Variants in ADGRA3 observed in about 807,000 individuals in gnomAD.
The protein encoded by ADGRA3 is G-protein coupled receptor 125.
ADGRA3 carries 56 observed loss-of-function variants against 119.8 expected under a neutral mutation model. The observed-to-expected ratio is 0.47, with a 90% CI of 0.38 to 0.58. ADGRA3 has a LOEUF of 0.58. Among genes scored for constraint, ADGRA3 ranks in the 20% least tolerant of loss-of-function variants. The pLI is 0.00. For synonymous variants in ADGRA3, 607 were observed against 623.8 expected, an observed-to-expected ratio of 0.97 and a Z score of 0.40; for missense variants, 1,516 against 1,649.0, an observed-to-expected ratio of 0.92 and a Z score of 1.40.
At chr4:22,449,666 T>C (rs1042385481) in intron 4 of ADGRA3, among the ~76,000 whole-genome samples, 1 of 151,958 alleles carries the variant, frequency 6.6e-6, no homozygotes, top group African/African-American at 2.4e-5. Flanking sequence ...GGCCAACAGG[T>C]GAAACCCCGT....
chr4:22,476,645 A>C (rs1013312093), intron 1 of ADGRA3, among the ~76,000 whole-genome samples: 1 of 151,222 alleles, frequency 6.6e-6, no homozygotes, highest in African/African-American at 2.4e-5. Flanking sequence ...CTATTAATTT[A>C]TTCTTTTTGG....
chr4:22,464,838 G>A (rs1456304013), intron 2 of ADGRA3, among the ~76,000 whole-genome samples: 6 of 152,244 alleles, frequency 3.9e-5, no homozygotes, highest in Non-Finnish European at 7.3e-5. Context: ...CGCAGGAGCT[G>A]CCTGGGAAGA....
chr4:22,460,838 C>T (rs1043646990), intron 3 of ADGRA3, among the ~76,000 whole-genome samples: 3 of 152,124 alleles, frequency 2.0e-5, no homozygotes, highest in Admixed American at 6.5e-5. Context: ...CAAGATCTTC[C>T]GAAGAAGTCA....
intron 8 of ADGRA3, among the ~76,000 whole-genome samples, chr4:22,437,097 C>T (rs914151852): frequency 6.6e-6 from 1 of 151,918 alleles, no homozygotes; most frequent in Admixed American, 6.6e-5. Context: ...AGAAAATCTA[C>T]CATAAATAGT....
At chr4:22,492,008 G>C (rs1718639314) in intron 1 of ADGRA3, among the ~76,000 whole-genome samples, 1 of 152,166 alleles carries the variant, frequency 6.6e-6, no homozygotes, top group African/African-American at 2.4e-5. Flanking sequence ...AGGCACGGTT[G>C]GGATTTTTGG....
In ADGRA3 at chr4:22,515,950, G is replaced by T; in HGVS notation, c.-166C>A. On this transcript the variant is annotated 5_prime_UTR_variant, in exon 1 of 19. Transcript: ENST00000334304. Reference sequence around the variant, plus strand: ...CGGACATGCTCCTTTGTCCGCTGCGGCTGCGCTGGGCCTCTAGGGAGCCGG... The same window carrying T: ...CGGACATGCTCCTTTGTCCGCTGCGTCTGCGCTGGGCCTCTAGGGAGCCGG... 3.8e-6 allele frequency: 1 copy of T among 261,860 alleles called. No homozygotes were observed. The highest frequency in any genetic ancestry group is 5.9e-6 in the Non-Finnish European group (1 of 168,570). 16.2% of individuals were successfully genotyped at this position (261,860 alleles called of 1,614,324 possible). A position where few individuals can be genotyped will look rare whatever the true frequency, so the allele number is the denominator to read the frequency against.
Position 22,388,934 on chromosome 4 carries a change from A to AT in ADGRA3, c.2736dup (p.Trp913MetfsTer35). 6.2e-7 allele frequency: 1 copy of AT among 1,612,886 alleles called. No individual in the cohort carries two copies. Among genetic ancestry groups the AT allele is most frequent in the Non-Finnish European group, 8.5e-7 (1 of 1,179,296 alleles). On this transcript the variant is annotated frameshift_variant, in exon 19 of 19. Coordinates refer to ENST00000334304, the MANE Select transcript of ADGRA3 (RefSeq NM_145290.4). LOFTEE classifies it high-confidence loss of function. ...TAGAAGGCTCCCAAGGAGGGTTCCC[A>AT]TGCCATCCAGCAACTGGAAAAGAAA...
At chr4:22,398,127 T>A in intron 16 of ADGRA3, 8 of 985,212 alleles carry the variant, frequency 8.1e-6, no homozygotes, top group Non-Finnish European at 9.6e-6. Context: ...TTTACAGATG[T>A]GTAGTAACAG....
At chr4:22,435,526 T>G in intron 9 of ADGRA3, 60 bp from the exon 10 acceptor site, 1 of 1,390,430 alleles carries the variant, frequency 7.2e-7, no homozygotes, top group Non-Finnish European at 9.8e-7. Context: ...ATCAACACAA[T>G]CCTGACATTT....
rs962619574 is a variant in ADGRA3, at chr4:22,414,112, T to C, written c.1810-298A>G. On this transcript the variant is annotated intron_variant, in intron 12 of 18. Transcript: ENST00000334304. The stretch of plus-strand genomic sequence containing the variant: ...CCATGATATTATATGTTGAAGTAGA[T>C]AGCATTAAACAGATCAAGGATCTCA... 16 of 272,070 alleles carry C rather than the reference T, an allele frequency of 5.9e-5. No individual in the cohort carries two copies. The Admixed American group carries it at 7.4e-4, about 13-fold the overall frequency. The allele number at this position is 272,070 out of a possible 1,614,324, so 16.9% of individuals were successfully genotyped here. A position where few individuals can be genotyped will look rare whatever the true frequency, so the allele number is the denominator to read the frequency against.
chr4:22,400,159 A>T (rs910969878), intron 16 of ADGRA3, among the ~76,000 whole-genome samples: 3 of 152,144 alleles, frequency 2.0e-5, no homozygotes, highest in Non-Finnish European at 4.4e-5. Context: ...CAACAACTCG[A>T]TTATCATTCC....
chr4:22,394,257 C>G (rs1212073574), intron 16 of ADGRA3: 2 of 152,184 alleles, frequency 1.3e-5, no homozygotes, highest in East Asian at 3.9e-4. Context: ...GCAGCAAACA[C>G]TTGGTGACCT....
chr4:22,475,461 G>T (rs573915015), intron 1 of ADGRA3, among the ~76,000 whole-genome samples: 7 of 152,098 alleles, frequency 4.6e-5, no homozygotes, highest in East Asian at 1.9e-4. Flanking sequence ...GGCCGGGGGC[G>T]GCGGCTCACG....
intron 1 of ADGRA3, among the ~76,000 whole-genome samples, chr4:22,502,481 G>A (rs1719081532): frequency 6.6e-6 from 1 of 152,172 alleles, no homozygotes; most frequent in African/African-American, 2.4e-5. Flanking sequence ...ACTGAAATAA[G>A]AGGTAAGGAA....
intron 1 of ADGRA3, among the ~76,000 whole-genome samples, chr4:22,504,319 A>G (rs1284856831): frequency 1.3e-5 from 2 of 152,210 alleles, no homozygotes; most frequent in East Asian, 3.8e-4. Flanking sequence ...TGAAATGATG[A>G]GGCGCTAAAA....
At chr4:22,488,721 A>C (rs1421928103) in intron 1 of ADGRA3, among the ~76,000 whole-genome samples, 1 of 152,228 alleles carries the variant, frequency 6.6e-6, no homozygotes, top group Admixed American at 6.5e-5. Context: ...GACCTGAGTC[A>C]ACCTAAGAAG....
chr4:22,432,574 A>G (rs1202742524), intron 10 of ADGRA3, among the ~76,000 whole-genome samples: 1 of 152,226 alleles, frequency 6.6e-6, no homozygotes, highest in Admixed American at 6.5e-5. Flanking sequence ...AATAAGAGAC[A>G]ATAAGGGTGC....
intron 1 of ADGRA3, among the ~76,000 whole-genome samples, chr4:22,491,337 T>C (rs773459944): frequency 6.6e-6 from 1 of 152,216 alleles, no homozygotes; most frequent in Non-Finnish European, 1.5e-5. Context: ...ACTTATATAA[T>C]GAGAGGATAC....
At chr4:22,477,469 C>T (rs142271745) in intron 1 of ADGRA3, among the ~76,000 whole-genome samples, 1 of 152,274 alleles carries the variant, frequency 6.6e-6, no homozygotes, top group African/African-American at 2.4e-5. Context: ...ACTTTGCAGT[C>T]ACTAAGAATT....
Sources: gnomAD v4.1 joint callset for allele counts (sites outside exome capture counted in the v4.1 genomes callset) on GRCh38, gnomAD v4.1.1 for gene constraint, MANE v1.5 for transcripts, NCBI Gene and HGNC (gene_info 2026-07-23, HGNC 2026-07-21) for gene names.